The following SLC4A7 variants were observed in gnomAD, a reference collection of about 807,000 sequenced individuals.
SLC4A7 encodes solute carrier family 4 member 7.
Under a neutral mutation model 137.6 loss-of-function variants are expected in SLC4A7, and 51 were observed. That is an observed-to-expected ratio of 0.37 (90% CI 0.30 to 0.47). The LOEUF is 0.47. Among genes scored for constraint, SLC4A7 ranks in the 20% least tolerant of loss-of-function variants. The probability of loss-of-function intolerance (pLI) is 1.00; values close to 1 mark genes in which losing one functional copy is unlikely to be tolerated. For synonymous variants in SLC4A7, 542 were observed against 518.6 expected, an observed-to-expected ratio of 1.05 and a Z score of -0.61; for missense variants, 1,247 against 1,525.4, an observed-to-expected ratio of 0.82 and a Z score of 3.04.
At chr3:27,427,502 T>C (rs944937418) in intron 7 of SLC4A7, among the ~76,000 whole-genome samples, 1 of 152,052 alleles carries the variant, frequency 6.6e-6, no homozygotes, top group Non-Finnish European at 1.5e-5. Flanking sequence ...TTTATACATA[T>C]AATTATCTTC....
intron 10 of SLC4A7, 108 bp downstream of exon 10, chr3:27,420,591 GA>G: frequency 1.6e-6 from 1 of 632,536 alleles, no homozygotes. Context: ...ACACAGCAAG[GA>G]AAAGTTTTAG....
At chr3:27,472,856 G>A (rs1159387704) in intron 1 of SLC4A7, among the ~76,000 whole-genome samples, 1 of 152,222 alleles carries the variant, frequency 6.6e-6, no homozygotes, top group Non-Finnish European at 1.5e-5. Flanking sequence ...GAGGCGGGCA[G>A]ATCACCTGAG....
intron 1 of SLC4A7, among the ~76,000 whole-genome samples, chr3:27,481,289 C>A (rs943242675): frequency 6.6e-6 from 1 of 152,126 alleles, no homozygotes; most frequent in Non-Finnish European, 1.5e-5. Flanking sequence ...TATCCCAACA[C>A]CCTGATCAGT....
intron 1 of SLC4A7, among the ~76,000 whole-genome samples, chr3:27,474,364 T>G (rs573219833): frequency 3.3e-5 from 5 of 152,292 alleles, no homozygotes; most frequent in Non-Finnish European, 5.9e-5. Context: ...AAAAACAGTA[T>G]AAAGCTAGTT....
At chr3:27,467,807 T>C (rs537262338) in intron 1 of SLC4A7, among the ~76,000 whole-genome samples, 118 of 152,306 alleles carry the variant, frequency 7.7e-4, no homozygotes, top group African/African-American at 2.3e-3. Flanking sequence ...ATGCTGTGAT[T>C]ATGGTTAAGA....
intron 1 of SLC4A7, among the ~76,000 whole-genome samples, chr3:27,476,610 G>A (rs1324589013): frequency 6.7e-6 from 1 of 149,932 alleles, no homozygotes; most frequent in Non-Finnish European, 1.5e-5. Flanking sequence ...TGAATCATGG[G>A]GGCAGATGTC....
chr3:27,406,258 T>C lies in SLC4A7; in HGVS notation c.1942-1295A>G, dbSNP rs116250870. On this transcript the variant is annotated intron_variant, in intron 13 of 25. Coordinates refer to ENST00000454389, the MANE Select transcript of SLC4A7 (RefSeq NM_001321103.2). Reference sequence around the variant, plus strand: ...GCGGTGATGATAACTAGAACATAAATATTATTTGCAAAAACACCTAGCAAG... The same window carrying C: ...GCGGTGATGATAACTAGAACATAAACATTATTTGCAAAAACACCTAGCAAG... Among the ~76,000 whole-genome samples the C allele has an allele frequency of 8.8e-3, 1,338 of 152,270 alleles. 12 individuals carry two copies. Among genetic ancestry groups the C allele is most frequent in the Non-Finnish European group, 0.014 (926 of 68,018 alleles).
chr3:27,431,241 A>G, intron 7 of SLC4A7, 57 bp downstream of exon 7: 1 of 1,510,248 alleles, frequency 6.6e-7, no homozygotes, highest in Non-Finnish European at 8.9e-7. Context: ...AAGGCATTCC[A>G]AGTGCAAGTG....
intron 1 of SLC4A7, among the ~76,000 whole-genome samples, chr3:27,471,633 A>G (rs1023727560): frequency 6.6e-6 from 1 of 152,252 alleles, no homozygotes; most frequent in African/African-American, 2.4e-5. Context: ...CGGCCTCCCA[A>G]AGTGCTGAGA....
intron 7 of SLC4A7, among the ~76,000 whole-genome samples, chr3:27,425,231 G>T (rs535362073): frequency 1.3e-5 from 2 of 151,960 alleles, no homozygotes; most frequent in African/African-American, 2.4e-5. Flanking sequence ...TAAGCCGGGC[G>T]TGATGGCGTG....
At chr3:27,388,817 T>A (rs1225110026) in intron 22 of SLC4A7, among the ~76,000 whole-genome samples, 1 of 146,870 alleles carries the variant, frequency 6.8e-6, no homozygotes, top group Non-Finnish European at 1.6e-5. Flanking sequence ...AAATTATTTT[T>A]TAAATTTCAT....
chr3:27,398,028 G>T, intron 17 of SLC4A7, 164 bp downstream of exon 17: 1 of 630,970 alleles, frequency 1.6e-6, no homozygotes, highest in Non-Finnish European at 2.7e-6. Flanking sequence ...CCTACTGTGA[G>T]CTCAGGCACG....
At chr3:27,432,983 G>A (rs1176181530) in intron 6 of SLC4A7, among the ~76,000 whole-genome samples, 1 of 152,080 alleles carries the variant, frequency 6.6e-6, no homozygotes, top group Non-Finnish European at 1.5e-5. Context: ...ATACAACATG[G>A]CATAATTTTA....
chr3:27,397,849 T>C, intron 17 of SLC4A7, 52 bp from the exon 18 acceptor site: 1 of 999,612 alleles, frequency 1.0e-6, no homozygotes, highest in Non-Finnish European at 1.5e-6. Flanking sequence ...ATGTGTTCTT[T>C]CTAAATAATT....
rs146585393 is a variant in SLC4A7 at position 27,457,435 on chromosome 3, C to T, written c.61-4937G>A. Among the ~76,000 whole-genome samples the T allele has an allele frequency of 5.6e-4, 85 of 152,176 alleles. No individual in the cohort carries two copies. The East Asian group carries it at 0.016, about 28-fold the overall frequency. ...TGCAGTCAATCTGATGTGATCTGCCCTTGGTTAAAGTATATTTAAAAATCC... is the reference window on the plus strand; with the variant it reads ...TGCAGTCAATCTGATGTGATCTGCCTTTGGTTAAAGTATATTTAAAAATCC... On this transcript the variant is annotated intron_variant, in intron 1 of 25. Transcript: ENST00000454389.
chr3:27,440,478 A>G (rs747651840), intron 3 of SLC4A7, among the ~76,000 whole-genome samples: 2 of 152,184 alleles, frequency 1.3e-5, no homozygotes, highest in Non-Finnish European at 2.9e-5. Flanking sequence ...TTGTAATCCC[A>G]GCACTTTGGG....
rs944322826 is a variant in SLC4A7, at chr3:27,375,718, T to C, written c.*1046A>G. 6.6e-6 allele frequency: 1 copy of C among 152,354 alleles called. No individual in the cohort carries two copies. Among genetic ancestry groups the C allele is most frequent in the South Asian group, 2.1e-4 (1 of 4,830 alleles). 9.4% of individuals were successfully genotyped at this position (152,354 alleles called of 1,614,324 possible). A position where few individuals can be genotyped will look rare whatever the true frequency, so the allele number is the denominator to read the frequency against. ...TTTAAGCATCATATCAAAATAAATATTTTAAAATAAAATCACAGGTAACAA... is the reference window on the plus strand; with the variant it reads ...TTTAAGCATCATATCAAAATAAATACTTTAAAATAAAATCACAGGTAACAA... On this transcript the variant is annotated 3_prime_UTR_variant, in exon 26 of 26. Coordinates refer to ENST00000454389, the MANE Select transcript of SLC4A7 (RefSeq NM_001321103.2).
intron 1 of SLC4A7, 59 bp downstream of exon 1, chr3:27,484,008 G>A: frequency 2.4e-6 from 3 of 1,268,724 alleles, no homozygotes; most frequent in African/African-American, 1.6e-5. Context: ...CCCCGCCTTT[G>A]TCTGCCTCGC....
intron 22 of SLC4A7, among the ~76,000 whole-genome samples, chr3:27,388,436 C>T (rs2051193991): frequency 6.6e-6 from 1 of 152,122 alleles, no homozygotes; most frequent in South Asian, 2.1e-4. Context: ...CTGTAATTAT[C>T]TGTTCTTTAA....
Sources: gnomAD v4.1 joint callset for allele counts (sites outside exome capture counted in the v4.1 genomes callset) on GRCh38, gnomAD v4.1.1 for gene constraint, MANE v1.5 for transcripts, NCBI Gene and HGNC (gene_info 2026-07-23, HGNC 2026-07-21) for gene names.